TICRR: variants seen among roughly 807,000 people sequenced by gnomAD.
The protein encoded by TICRR is treslin.
Under a neutral mutation model 178.1 loss-of-function variants are expected in TICRR, and 132 were observed. The ratio of observed to expected loss-of-function variants is 0.74; its 90% CI spans 0.64 to 0.86. TICRR has a LOEUF of 0.86. TICRR is among the 40% of genes least tolerant of loss of function. The pLI, the probability that TICRR is intolerant of heterozygous loss-of-function variation, is 0.00. For synonymous variants in TICRR, 991 were observed against 900.7 expected (o/e 1.10, Z -1.79); for missense variants, 2,587 against 2,334.3 (o/e 1.11, Z -2.23).
intron 20 of TICRR, 45 bp from the exon 21 acceptor site, chr15:89,625,891 T>C (rs770354458): frequency 3.9e-5 from 60 of 1,543,490 alleles, no homozygotes; most frequent in Non-Finnish European, 5.1e-5. Context: ...GGCTTCCCGG[T>C]TGGGGGTCTG....
Position 89,599,477 on chromosome 15 carries a change from T to A in TICRR, c.2052+2T>A. 6.2e-7 allele frequency: 1 copy of A among 1,610,966 alleles called. No individual in the cohort carries two copies. Among genetic ancestry groups the A allele is most frequent in the Non-Finnish European group, 8.5e-7 (1 of 1,179,108 alleles). ...TCAAAAGGCACCAAGGAATTAGAAG[T>A]AAGAGGGTCCAGATATTGTTGTTTG... is the stretch of plus-strand genomic sequence containing the variant. On this transcript the variant is annotated splice_donor_variant, in intron 8 of 21. Transcript: ENST00000268138. LOFTEE classifies it high-confidence loss of function.
At position 89,627,494 on chromosome 15, in the gene TICRR, C is replaced by T. The variant is rs906245480; in HGVS notation, c.*408C>T. 2 of 195,132 alleles carry T rather than the reference C, an allele frequency of 1.0e-5. No homozygotes were observed. Among genetic ancestry groups the T allele is most frequent in the African/African-American group, 4.7e-5 (2 of 42,910 alleles). The allele number at this position is 195,132 out of a possible 1,614,324, so 12.1% of individuals were successfully genotyped here. ...CTGGGCTGCTGCGACACAGGCAGCGCTTTGTAAACTGTGAAGCCATATACG... is the reference window on the plus strand; with the variant it reads ...CTGGGCTGCTGCGACACAGGCAGCGTTTTGTAAACTGTGAAGCCATATACG... On this transcript the variant is annotated 3_prime_UTR_variant, in exon 22 of 22. Coordinates refer to ENST00000268138, the MANE Select transcript of TICRR (RefSeq NM_152259.4).
chr15:89,587,548 C>T (rs1009740397), intron 4 of TICRR, among the ~76,000 whole-genome samples: 1 of 151,982 alleles, frequency 6.6e-6, no homozygotes, highest in East Asian at 1.9e-4. Flanking sequence ...GGGGGACAGT[C>T]GCTGAGTTAA....
chr15:89,600,668 G>A lies in TICRR; in HGVS notation c.2136G>A (p.Lys712=). ...AGAATCTAGGAAAAAAACTGGATAA[G>A]GAAGACAAAGTTAGAGAGTAAGTAA... The part of the protein sequence containing the change: ...LRQNLGKKLD[K]EDKVRECQLQ... The change falls in exon 9 of 22, where the codon AAG becomes AAA. Residue 712 remains lysine (K), a synonymous_variant. Coordinates refer to ENST00000268138, the MANE Select transcript of TICRR (RefSeq NM_152259.4). The A allele has an allele frequency of 6.4e-7, 1 of 1,563,890 alleles. No homozygotes were observed. Among genetic ancestry groups the A allele is most frequent in the South Asian group, 1.2e-5 (1 of 85,744 alleles).
At chr15:89,600,242 G>C (rs1406880105) in intron 8 of TICRR, among the ~76,000 whole-genome samples, 2 of 152,182 alleles carry the variant, frequency 1.3e-5, no homozygotes, top group Non-Finnish European at 2.9e-5. Flanking sequence ...CCGTGTTGTT[G>C]TTTTATTCAT....
intron 7 of TICRR, among the ~76,000 whole-genome samples, chr15:89,597,150 A>G (rs1381984887): frequency 6.6e-6 from 1 of 151,986 alleles, no homozygotes; most frequent in Non-Finnish European, 1.5e-5. Flanking sequence ...ATTTTTAGTA[A>G]TTTTTTTCTG....
At chr15:89,577,960 A>C (rs1962655341) in intron 1 of TICRR, among the ~76,000 whole-genome samples, 1 of 152,072 alleles carries the variant, frequency 6.6e-6, no homozygotes, top group African/African-American at 2.4e-5. Context: ...GGAGGAACTC[A>C]AAGGTAGGTA....
chr15:89,627,264 C>G lies in TICRR; in HGVS notation c.*178C>G, dbSNP rs188344261. The G allele has an allele frequency of 5.2e-5, 38 of 729,240 alleles. No individual in the cohort carries two copies. Among genetic ancestry groups the G allele is most frequent in the Non-Finnish European group, 7.3e-5 (34 of 464,832 alleles). 45.2% of individuals were successfully genotyped at this position (729,240 alleles called of 1,614,324 possible). A position where few individuals can be genotyped will look rare whatever the true frequency, so the allele number is the denominator to read the frequency against. On this transcript the variant is annotated 3_prime_UTR_variant, in exon 22 of 22. Coordinates refer to ENST00000268138, the MANE Select transcript of TICRR (RefSeq NM_152259.4). Reference sequence around the variant, plus strand: ...TCCAATCCATCTCCTGGCCCTGCCCCTTGTTGGGGAAGTTGCAGGAGGAGA... The same window carrying G: ...TCCAATCCATCTCCTGGCCCTGCCCGTTGTTGGGGAAGTTGCAGGAGGAGA...
At chr15:89,584,229 T>C in intron 2 of TICRR, 57 bp from the exon 3 acceptor site, 1 of 1,483,140 alleles carries the variant, frequency 6.7e-7, no homozygotes, top group African/African-American at 1.4e-5. Context: ...ATTGGAATTT[T>C]AATCTTTTTT....
chr15:89,619,727 T>A lies in TICRR; in HGVS notation c.3039T>A (p.Ser1013Arg), dbSNP rs1225099112. The A allele has an allele frequency of 4.3e-6, 7 of 1,611,692 alleles. No homozygotes were observed. Among genetic ancestry groups the A allele is most frequent in the Non-Finnish European group, 5.9e-6 (7 of 1,179,444 alleles). ...EKGDEISLRR[S>R]PRIKQLSFSR... ...TTACAGAAATAAGTCTGAGACGAAGTCCTCGAATCAAGCAGTTGTCATTTA... is the reference window on the plus strand; with the variant it reads ...TTACAGAAATAAGTCTGAGACGAAGACCTCGAATCAAGCAGTTGTCATTTA... The change falls in exon 18 of 22, where the codon AGT becomes AGA. Residue 1013 changes from serine to arginine, a missense_variant. Physicochemically the swap from Ser to Arg is moderately radical, Grantham distance 110. Coordinates refer to ENST00000268138, the MANE Select transcript of TICRR (RefSeq NM_152259.4).
At position 89,584,296 on chromosome 15, in the gene TICRR, G is replaced by T. The variant is rs1232610168; in HGVS notation, c.945G>T (p.Glu315Asp). ...MLFLPVEAGK[E>D]IQETWTVTLE... ...AATCTTTATTTCTAGCAGGCAAAGA[G>T]ATTCAAGAAACATGGACAGTCACCC... The change falls in exon 3 of 22, where the codon GAG (glutamate) becomes GAT (aspartate). Residue 315 changes from glutamate to aspartate, a missense_variant. Transcript: ENST00000268138. The T allele has an allele frequency of 1.2e-6, 2 of 1,603,550 alleles. No individual in the cohort carries two copies. Among genetic ancestry groups the T allele is most frequent in the South Asian group, 2.2e-5 (2 of 89,010 alleles).
intron 1 of TICRR, among the ~76,000 whole-genome samples, chr15:89,576,704 A>G (rs1962620693): frequency 6.6e-6 from 1 of 150,968 alleles, no homozygotes; most frequent in African/African-American, 2.4e-5. Flanking sequence ...GCACTTAACC[A>G]TTTCTCCATA....
chr15:89,576,821 G>A (rs1298981802), intron 1 of TICRR, among the ~76,000 whole-genome samples: 11 of 92,444 alleles, frequency 1.2e-4, no homozygotes, highest in African/African-American at 3.5e-4. Context: ...ATGTGTGTGT[G>A]TATATATATA....
rs369518649 is a variant in TICRR at position 89,576,821 on chromosome 15, G to GTA, written c.654+620_654+621dup. On this transcript the variant is annotated intron_variant, in intron 1 of 21. Coordinates refer to ENST00000268138, the MANE Select transcript of TICRR (RefSeq NM_152259.4). ...CAGGGGTGTGTGTGTATGTGTGTGT[G>GTA]TATATATATATATATATATATATAT... Among the ~76,000 whole-genome samples the GTA allele has an allele frequency of 2.2e-3, 199 of 92,340 alleles. 1 individual carries two copies. The highest frequency in any genetic ancestry group is 8.3e-3 in the East Asian group (33 of 3,996). The allele number at this position is 92,340 out of a possible 152,430, so 60.6% of individuals were successfully genotyped here.
chr15:89,604,868 A>G (rs553483425), intron 13 of TICRR, among the ~76,000 whole-genome samples: 2 of 152,140 alleles, frequency 1.3e-5, no homozygotes, highest in Admixed American at 1.3e-4. Context: ...CAATTGTTTA[A>G]CTGAAAGGAC....
intron 1 of TICRR, among the ~76,000 whole-genome samples, chr15:89,577,244 A>G (rs548563569): frequency 9.7e-4 from 98 of 101,384 alleles, no homozygotes; most frequent in African/African-American, 3.7e-3. Flanking sequence ...GGCTGACTAA[A>G]TGAGTACATT....
chr15:89,575,746 G>C lies in TICRR; in HGVS notation c.160G>C (p.Gly54Arg). The C allele has an allele frequency of 2.5e-6, 4 of 1,609,870 alleles. No homozygotes were observed. The highest frequency in any genetic ancestry group is 3.4e-6 in the Non-Finnish European group (4 of 1,178,988). The change falls in exon 1 of 22, where the codon GGG (glycine) becomes CGG (arginine). Residue 54 changes from glycine (G) to arginine (R), a missense_variant. Coordinates refer to ENST00000268138, the MANE Select transcript of TICRR (RefSeq NM_152259.4). ...HWAFKFFDSQ[G>R]ARSRPSRVSD... is the part of the protein sequence containing the mutation. ...GGCCTTCAAGTTCTTTGACTCGCAGGGGGCGCGGAGCCGGCCGTCCCGCGT... is the reference window on the plus strand; with the variant it reads ...GGCCTTCAAGTTCTTTGACTCGCAGCGGGCGCGGAGCCGGCCGTCCCGCGT...
chr15:89,610,389 G>A (rs1963238897), intron 15 of TICRR, among the ~76,000 whole-genome samples: 3 of 152,120 alleles, frequency 2.0e-5, no homozygotes, highest in Non-Finnish European at 4.4e-5. Flanking sequence ...TTGAGACTCT[G>A]TACTTAAGTA....
At chr15:89,579,228 A>G (rs911681426) in intron 1 of TICRR, among the ~76,000 whole-genome samples, 2 of 152,224 alleles carry the variant, frequency 1.3e-5, no homozygotes, top group African/African-American at 4.8e-5. Context: ...CTTATAGTCT[A>G]GTGGACATTT....
Sources: allele counts gnomAD v4.1 joint callset (sites outside exome capture counted in the v4.1 genomes callset), GRCh38; gene constraint gnomAD v4.1.1; transcripts MANE v1.5; gene names NCBI Gene and HGNC (gene_info 2026-07-23, HGNC 2026-07-21).